Variants in GINS2 observed in about 807,000 individuals in gnomAD.
The protein encoded by GINS2 is DNA replication complex GINS protein PSF2.
In GINS2, 23 loss-of-function variants were observed where a neutral mutation model predicts 21.2. That is an observed-to-expected ratio of 1.08 (90% CI 0.78 to 1.53). The LOEUF is 1.53. Ranked by LOEUF, GINS2 falls within the 40% of genes most tolerant of loss-of-function variation. The pLI, the probability that GINS2 is intolerant of heterozygous loss-of-function variation, is 0.00. For missense variants in GINS2, 323 were observed against 233.9 expected, an observed-to-expected ratio of 1.38 and a Z score of -2.49; for synonymous variants, 118 against 85.6, an observed-to-expected ratio of 1.38 and a Z score of -2.09.
chr16:85,687,575 CT>C lies in GINS2; in HGVS notation c.91-2del. 2 of 1,530,268 alleles carry C rather than the reference CT, an allele frequency of 1.3e-6. No homozygotes were observed. Among genetic ancestry groups the C allele is most frequent in the Non-Finnish European group, 1.8e-6 (2 of 1,135,924 alleles). The allele number at this position is 1,530,268 out of a possible 1,614,324, so 94.8% of individuals were successfully genotyped here. The stretch of plus-strand genomic sequence containing the variant: ...CAGGGTTAAAAGGCCCCAGGTCCCC[CT>C]GCCAAAAGTAAAACAATTCCCCGTA... On this transcript the variant is annotated splice_acceptor_variant, in intron 1 of 4. Transcript: ENST00000253462. LOFTEE classifies it high-confidence loss of function.
chr16:85,681,302 A>G (rs2053730121), intron 3 of GINS2, among the ~76,000 whole-genome samples: 1 of 152,256 alleles, frequency 6.6e-6, no homozygotes, highest in Non-Finnish European at 1.5e-5. Flanking sequence ...GAGGCAGAAC[A>G]AAAAGAGCCA....
rs747020866 is a variant in GINS2 at position 85,678,266 on chromosome 16, G to A, written c.504C>T (p.Tyr168=). 2 of 1,613,038 alleles carry A rather than the reference G, an allele frequency of 1.2e-6. No homozygotes were observed. Among genetic ancestry groups the A allele is most frequent in the South Asian group, 1.1e-5 (1 of 91,052 alleles). The change falls in exon 5 of 5, where the codon TAC becomes TAT. Residue 168 remains tyrosine (Y), a synonymous_variant. Coordinates refer to ENST00000253462, the MANE Select transcript of GINS2 (RefSeq NM_016095.3). Reference sequence around the variant, plus strand: ...GAGGCTGGAGGTTCGTGCGGAGTTTGTACATGTGGTTGAGCGCTTGTGTGA... The same window carrying A: ...GAGGCTGGAGGTTCGTGCGGAGTTTATACATGTGGTTGAGCGCTTGTGTGA... ...TFLTQALNHM[Y]KLRTNLQPLE... is the part of the protein sequence containing the mutation.
rs1567789096 is a variant in GINS2 at position 85,676,977 on chromosome 16, G to C, written c.*1235C>G. Reference sequence around the variant, plus strand: ...CCTCTCGGGTTCAAGCGATTCTCCTGCCTCAGCCTCCCGAGTAGCTGCGAC... The same window carrying C: ...CCTCTCGGGTTCAAGCGATTCTCCTCCCTCAGCCTCCCGAGTAGCTGCGAC... On this transcript the variant is annotated 3_prime_UTR_variant, in exon 5 of 5. Transcript: ENST00000253462. 1 of 152,218 alleles carries C rather than the reference G, an allele frequency of 6.6e-6. No individual in the cohort carries two copies. Among genetic ancestry groups the C allele is most frequent in the Non-Finnish European group, 1.5e-5 (1 of 68,110 alleles). The allele number at this position is 152,218 out of a possible 1,614,324, so 9.4% of individuals were successfully genotyped here. A position where few individuals can be genotyped will look rare whatever the true frequency, so the allele number is the denominator to read the frequency against.
intron 2 of GINS2, among the ~76,000 whole-genome samples, chr16:85,682,020 C>CTTTTTTT (rs1567791526): frequency 5.9e-5 from 7 of 118,456 alleles, no homozygotes; most frequent in African/African-American, 2.1e-4. Flanking sequence ...ACCTTTACCG[C>CTTTTTTT]CTTTTTTTTT....
In GINS2 at chr16:85,687,465, T is replaced by A. The variant is rs1277219705; in HGVS notation, c.200A>T (p.Asp67Val). The A allele has an allele frequency of 1.3e-6, 2 of 1,532,092 alleles. No homozygotes were observed. Among genetic ancestry groups the A allele is most frequent in the Non-Finnish European group, 8.8e-7 (1 of 1,137,912 alleles). The allele number at this position is 1,532,092 out of a possible 1,614,324, so 94.9% of individuals were successfully genotyped here. ...KCRLLPPEWM[D>V]VEKLEKMRDH... ...AGTCTCCACCACATCCTTACCTACATCCATCCACTCTGGAGGGAGCAGGCG... is the reference window on the plus strand; with the variant it reads ...AGTCTCCACCACATCCTTACCTACAACCATCCACTCTGGAGGGAGCAGGCG... The change falls in exon 2 of 5, where the codon GAT (aspartate) becomes GTT (valine). Residue 67 changes from aspartate (D) to valine (V), a missense_variant. By Grantham distance (152) the Asp-to-Val change is radical. Transcript: ENST00000253462.
Position 85,678,234 on chromosome 16 carries a change from C to T in GINS2, c.536G>A (p.Ser179Asn), listed in dbSNP as rs2053700838. Residue 179 changes from serine to asparagine, a missense_variant, in exon 5 of 5, where the codon AGT becomes AAT. Transcript: ENST00000253462. ...KLRTNLQPLESTQSQDF is the reference protein window; with the variant it reads ...KLRTNLQPLENTQSQDF The stretch of plus-strand genomic sequence containing the variant: ...TCTCTAGAAGTCCTGAGACTGAGTA[C>T]TCTCCAGAGGCTGGAGGTTCGTGCG... 2 of 1,613,336 alleles carry T rather than the reference C, an allele frequency of 1.2e-6. No individual in the cohort carries two copies. The highest frequency in any genetic ancestry group is 1.7e-6 in the Non-Finnish European group (2 of 1,179,676).
At chr16:85,683,807 G>A (rs1401298322) in intron 2 of GINS2, among the ~76,000 whole-genome samples, 5 of 152,182 alleles carry the variant, frequency 3.3e-5, no homozygotes, top group Non-Finnish European at 5.9e-5. Context: ...AACACCTCTG[G>A]TCCAACTTTC....
intron 3 of GINS2, among the ~76,000 whole-genome samples, chr16:85,679,234 T>G (rs1033632649): frequency 2.6e-5 from 4 of 152,108 alleles, no homozygotes; most frequent in African/African-American, 9.7e-5. Flanking sequence ...AAAAACAAGT[T>G]TCAAAAATCA....
chr16:85,683,337 G>A (rs1477531186), intron 2 of GINS2, among the ~76,000 whole-genome samples: 1 of 151,822 alleles, frequency 6.6e-6, no homozygotes, highest in Non-Finnish European at 1.5e-5. Context: ...ACACCACCTC[G>A]TCCAAATGCT....
chr16:85,677,319 T>C lies in GINS2; in HGVS notation c.*893A>G, dbSNP rs2053685971. 6.6e-6 allele frequency: 1 copy of C among 152,236 alleles called. No homozygotes were observed. The highest frequency in any genetic ancestry group is 1.5e-5 in the Non-Finnish European group (1 of 68,044). 9.4% of individuals were successfully genotyped at this position (152,236 alleles called of 1,614,324 possible). A position where few individuals can be genotyped will look rare whatever the true frequency, so the allele number is the denominator to read the frequency against. ...ATGCTACGAATAAAGTAATTTTCTC[T>C]TAGGAAAAAAATAATTTCCCCTGAG... On this transcript the variant is annotated 3_prime_UTR_variant, in exon 5 of 5. Coordinates refer to ENST00000253462, the MANE Select transcript of GINS2 (RefSeq NM_016095.3).
At position 85,678,049 on chromosome 16, in the gene GINS2, C is replaced by G. The variant is rs1162953022; in HGVS notation, c.*163G>C. On this transcript the variant is annotated 3_prime_UTR_variant, in exon 5 of 5. Coordinates refer to ENST00000253462, the MANE Select transcript of GINS2 (RefSeq NM_016095.3). ...GTCCCAGGGAGCTAAGTTTTAAGGA[C>G]TAATCACAAACTTGTTTCTCCAACA... The G allele has an allele frequency of 1.6e-6, 1 of 642,522 alleles. No individual in the cohort carries two copies. Among genetic ancestry groups the G allele is most frequent in the Non-Finnish European group, 2.7e-6 (1 of 368,420 alleles). 39.8% of individuals were successfully genotyped at this position (642,522 alleles called of 1,614,324 possible). A position where few individuals can be genotyped will look rare whatever the true frequency, so the allele number is the denominator to read the frequency against.
rs749014499 is a variant in GINS2 at position 85,678,330 on chromosome 16, T to G, written c.440A>C (p.Asn147Thr). The G allele has an allele frequency of 3.7e-6, 6 of 1,613,880 alleles. No homozygotes were observed. The Admixed American group carries it at 5.0e-5, about 13-fold the overall frequency. ...GGTGTTGATCTCCATCAAGGTCAAG[T>G]TATCCAGCTAAAGCAAGAAAACAGA... ...RQQEAHAKLD[N>T]LTLMEINTSG... The change falls in exon 5 of 5, where the codon AAC (asparagine) becomes ACC (threonine). Residue 147 changes from asparagine (N) to threonine (T), a missense_variant. Transcript: ENST00000253462.
chr16:85,682,499 C>T lies in GINS2; in HGVS notation c.206-818G>A, dbSNP rs539124230. 1.1e-4 allele frequency among the ~76,000 whole-genome samples: 16 copies of T among 150,314 alleles called. No homozygotes were observed. In the East Asian group the frequency reaches 2.9e-3, roughly 28 times the overall value. Reference sequence around the variant, plus strand: ...GTGATACAATATCCTAGGGGCTAAGCCACCCCAGCCTGGGCGTGATACAAT... The same window carrying T: ...GTGATACAATATCCTAGGGGCTAAGTCACCCCAGCCTGGGCGTGATACAAT... On this transcript the variant is annotated intron_variant, in intron 2 of 4. Coordinates refer to ENST00000253462, the MANE Select transcript of GINS2 (RefSeq NM_016095.3).
chr16:85,681,522 G>C lies in GINS2; in HGVS notation c.305+60C>G, dbSNP rs1344533330. On this transcript the variant is annotated intron_variant, in intron 3 of 4. Transcript: ENST00000253462. ...AAGCGGAGAGGAAGGACGAGGGTTA[G>C]GGGAAGGGCATGGCGAGTCCAGTCT... 2.0e-5 allele frequency: 20 copies of C among 986,572 alleles called. No individual in the cohort carries two copies. The East Asian group carries it at 3.8e-4, about 19-fold the overall frequency. 61.1% of individuals were successfully genotyped at this position (986,572 alleles called of 1,614,324 possible).
intron 2 of GINS2, among the ~76,000 whole-genome samples, chr16:85,682,593 C>T (rs1417945970): frequency 6.6e-6 from 1 of 151,624 alleles, no homozygotes; most frequent in African/African-American, 2.4e-5. Context: ...CCACCCCAGC[C>T]TGGGCACGAT....
intron 1 of GINS2, 139 bp downstream of exon 1, chr16:85,688,670 T>A (rs1006440098): frequency 2.3e-6 from 1 of 437,870 alleles, no homozygotes; most frequent in East Asian, 3.5e-5. Flanking sequence ...GGAACGGCGG[T>A]GAGCGAGTCA....
At position 85,687,346 on chromosome 16, in the gene GINS2, G is replaced by C. The variant is rs568340827; in HGVS notation, c.205+114C>G. ...CAGCTGATCAGTAGATAACGGAACAGAGGGAGCACGGACCTAGTCAGGAAG... is the reference window on the plus strand; with the variant it reads ...CAGCTGATCAGTAGATAACGGAACACAGGGAGCACGGACCTAGTCAGGAAG... On this transcript the variant is annotated intron_variant, in intron 2 of 4. Coordinates refer to ENST00000253462, the MANE Select transcript of GINS2 (RefSeq NM_016095.3). 165 of 584,040 alleles carry C rather than the reference G, an allele frequency of 2.8e-4. No individual in the cohort carries two copies. The African/African-American group carries it at 2.9e-3, about 10-fold the overall frequency. The allele number at this position is 584,040 out of a possible 1,614,324, so 36.2% of individuals were successfully genotyped here. A position where few individuals can be genotyped will look rare whatever the true frequency, so the allele number is the denominator to read the frequency against.
intron 3 of GINS2, among the ~76,000 whole-genome samples, chr16:85,680,685 G>C (rs894331881): frequency 1.3e-5 from 2 of 151,166 alleles, no homozygotes. Context: ...AAGAGTACAT[G>C]TGTGCTGAAC....
intron 3 of GINS2, among the ~76,000 whole-genome samples, chr16:85,679,639 C>T (rs1037814011): frequency 6.6e-6 from 1 of 152,194 alleles, no homozygotes; most frequent in African/African-American, 2.4e-5. Context: ...AAAATTAAGT[C>T]CCTTAACCGA....
Sources: gnomAD v4.1 joint callset for allele counts (sites outside exome capture counted in the v4.1 genomes callset) on GRCh38, gnomAD v4.1.1 for gene constraint, MANE v1.5 for transcripts, NCBI Gene and HGNC (gene_info 2026-07-23, HGNC 2026-07-21) for gene names.